Variants in EYS observed in about 807,000 individuals in gnomAD.
EYS encodes protein eyes shut homolog.
EYS carries 250 observed loss-of-function variants against 282.1 expected under a neutral mutation model. That is an observed-to-expected ratio of 0.89 (90% CI 0.80 to 0.98). EYS has a LOEUF of 0.98. EYS is among the 50% of genes least tolerant of loss of function. The probability of loss-of-function intolerance (pLI) is 0.00; values close to 1 mark genes in which losing one functional copy is unlikely to be tolerated. For missense variants in EYS, 4,016 were observed against 3,709.0 expected (o/e 1.08, Z -2.15); for synonymous variants, 1,355 against 1,282.9 (o/e 1.06, Z -1.20).
intron 19 of EYS, among the ~76,000 whole-genome samples, chr6:64,857,527 G>A (rs1291060220): frequency 6.6e-6 from 1 of 152,172 alleles, no homozygotes; most frequent in Non-Finnish European, 1.5e-5. Flanking sequence ...CTTAGGTTGA[G>A]TCCATATTTT....
chr6:64,477,943 T>C (rs1315287762), intron 26 of EYS, among the ~76,000 whole-genome samples: 1 of 152,128 alleles, frequency 6.6e-6, no homozygotes, highest in Non-Finnish European at 1.5e-5. Context: ...CTCAGTTTTG[T>C]TATCTGTAAA....
chr6:63,721,269 C>T lies in EYS; in HGVS notation c.8762G>A (p.Cys2921Tyr). 6.4e-7 allele frequency: 1 copy of T among 1,551,878 alleles called. No homozygotes were observed. The highest frequency in any genetic ancestry group is 8.7e-7 in the Non-Finnish European group (1 of 1,146,990). Residue 2921 changes from cysteine (C) to tyrosine (Y), a missense_variant, in exon 43 of 43, where the codon TGC (cysteine) becomes TAC (tyrosine). Transcript: ENST00000503581. The stretch of plus-strand genomic sequence containing the variant: ...AGGTATACATAAAGATTGGTGGAGG[C>T]AAAGATTATTCAAACAGGACACAGA... ...NQSVSCLNNL[C>Y]LHQSLCIPDQ...
intron 31 of EYS, among the ~76,000 whole-genome samples, chr6:64,134,011 G>C (rs1483944405): frequency 6.6e-6 from 1 of 151,990 alleles, no homozygotes; most frequent in Non-Finnish European, 1.5e-5. Context: ...TGAATAGTTA[G>C]ATAAAAAGCT....
At chr6:64,336,123 G>T (rs1770843332) in intron 29 of EYS, among the ~76,000 whole-genome samples, 1 of 152,048 alleles carries the variant, frequency 6.6e-6, no homozygotes, top group African/African-American at 2.4e-5. Context: ...GAATGCAAAG[G>T]TACCTCACAT....
At chr6:64,186,816 T>G (rs1342404317) in intron 31 of EYS, among the ~76,000 whole-genome samples, 1 of 152,132 alleles carries the variant, frequency 6.6e-6, no homozygotes, top group African/African-American at 2.4e-5. Flanking sequence ...TACGCGCACT[T>G]GTAACCTGAG....
At chr6:63,983,630 A>G (rs1767212128) in intron 35 of EYS, among the ~76,000 whole-genome samples, 1 of 151,714 alleles carries the variant, frequency 6.6e-6, no homozygotes, top group Non-Finnish European at 1.5e-5. Context: ...TAATTAAAAT[A>G]TTTCCTGTGC....
rs150914196 is a variant in EYS, at chr6:63,737,506, A to G, written c.8072-10826T>C. On this transcript the variant is annotated intron_variant, in intron 41 of 42. Coordinates refer to ENST00000503581, the MANE Select transcript of EYS (RefSeq NM_001142800.2). ...TTGGTTTTCCAGTATTTTATTGAGG[A>G]TTTTTGCATCAATGTTCGTCAAGGA... 8.1e-3 allele frequency among the ~76,000 whole-genome samples: 1,228 copies of G among 152,034 alleles called. 13 individuals are homozygous for G. Among genetic ancestry groups the G allele is most frequent in the Middle Eastern group, 0.017 (5 of 294 alleles).
rs182344128 is a variant in EYS, at chr6:65,192,700, A to G, written c.2023+103163T>C. 2.7e-4 allele frequency among the ~76,000 whole-genome samples: 41 copies of G among 151,958 alleles called. No individual in the cohort carries two copies. The East Asian group carries it at 6.4e-3, about 24-fold the overall frequency. On this transcript the variant is annotated intron_variant, in intron 12 of 42. Transcript: ENST00000503581. ...ATTGGTGTTAAGAGATAGGGCCTTT[A>G]TGAGATGACTAGGTCATTAAAATCT...
intron 12 of EYS, among the ~76,000 whole-genome samples, chr6:65,089,293 G>T (rs562111140): frequency 9.2e-5 from 14 of 152,294 alleles, no homozygotes; most frequent in Non-Finnish European, 1.5e-4. Flanking sequence ...GCCTATGAAA[G>T]CATCCAGGAG....
rs756233872 is a variant in EYS at position 65,443,392 on chromosome 6, A to T, written c.863-38025T>A. 6.3e-5 allele frequency among the ~76,000 whole-genome samples: 8 copies of T among 126,028 alleles called. 2 individuals carry two copies. Among genetic ancestry groups the T allele is most frequent in the Non-Finnish European group, 1.5e-4 (8 of 54,610 alleles). 82.7% of individuals were successfully genotyped at this position (126,028 alleles called of 152,430 possible). A position where few individuals can be genotyped will look rare whatever the true frequency, so the allele number is the denominator to read the frequency against. On this transcript the variant is annotated intron_variant, in intron 5 of 42. Coordinates refer to ENST00000503581, the MANE Select transcript of EYS (RefSeq NM_001142800.2). Reference sequence around the variant, plus strand: ...TATGTACACATATAGACATATATGCATACATGTATGTACACATATAGCCAT... The same window carrying T: ...TATGTACACATATAGACATATATGCTTACATGTATGTACACATATAGCCAT...
At chr6:65,277,189 C>G (rs1390321162) in intron 12 of EYS, among the ~76,000 whole-genome samples, 1 of 152,092 alleles carries the variant, frequency 6.6e-6, no homozygotes, top group Non-Finnish European at 1.5e-5. Context: ...AATTCCAGCA[C>G]TTTGGGAGGC....
At chr6:64,462,942 A>ATTTTT (rs58373990) in intron 26 of EYS, among the ~76,000 whole-genome samples, 8 of 105,922 alleles carry the variant, frequency 7.6e-5, no homozygotes, top group African/African-American at 1.4e-4. Context: ...CTCAGCTTTA[A>ATTTTT]TTTTTTTTTT....
At chr6:63,922,547 A>G (rs1460465568) in intron 35 of EYS, among the ~76,000 whole-genome samples, 1 of 152,190 alleles carries the variant, frequency 6.6e-6, no homozygotes, top group Non-Finnish European at 1.5e-5. Flanking sequence ...TGGGTGACAG[A>G]ATGAGACTCT....
chr6:63,966,306 C>A (rs939916587), intron 35 of EYS, among the ~76,000 whole-genome samples: 1 of 152,166 alleles, frequency 6.6e-6, no homozygotes, highest in Non-Finnish European at 1.5e-5. Flanking sequence ...TAGGTAGGAA[C>A]TAAGCTATGA....
intron 14 of EYS, among the ~76,000 whole-genome samples, chr6:64,955,086 A>G (rs1427142030): frequency 2.0e-5 from 3 of 152,146 alleles, no homozygotes; most frequent in African/African-American, 7.2e-5. Flanking sequence ...ATGCTGAGGC[A>G]GGAGAAACAC....
At chr6:64,770,726 T>C (rs1773500295) in intron 22 of EYS, among the ~76,000 whole-genome samples, 1 of 151,920 alleles carries the variant, frequency 6.6e-6, no homozygotes, top group Non-Finnish European at 1.5e-5. Flanking sequence ...GAATTATTAT[T>C]ATTAGTAGCA....
intron 30 of EYS, among the ~76,000 whole-genome samples, chr6:64,284,251 C>G (rs945760773): frequency 2.6e-5 from 4 of 152,176 alleles, no homozygotes; most frequent in Non-Finnish European, 5.9e-5. Flanking sequence ...CCATTCCAAA[C>G]AGGATAAATT....
chr6:64,628,706 C>T (rs4710279), intron 22 of EYS, among the ~76,000 whole-genome samples: 73,647 of 152,008 alleles, frequency 0.48, 18,057 homozygotes, highest in South Asian at 0.6. Context: ...CATTTGTCTG[C>T]GTTCTTACCT....
At position 65,182,073 on chromosome 6, in the gene EYS, G is replaced by A. The variant is rs188202629; in HGVS notation, c.2023+113790C>T. ...GGGCCTGTTTTGGGTAGGGGTAGGG[G>A]GGAGGGATAGCATTAGGAGATATAC... On this transcript the variant is annotated intron_variant, in intron 12 of 42. Coordinates refer to ENST00000503581, the MANE Select transcript of EYS (RefSeq NM_001142800.2). Among the ~76,000 whole-genome samples, 285 of 152,016 alleles carry A rather than the reference G, an allele frequency of 1.9e-3. 1 individual carries two copies. Among genetic ancestry groups the A allele is most frequent in the African/African-American group, 6.6e-3 (274 of 41,488 alleles).
Sources: allele counts gnomAD v4.1 joint callset (sites outside exome capture counted in the v4.1 genomes callset), GRCh38; gene constraint gnomAD v4.1.1; transcripts MANE v1.5; gene names NCBI Gene and HGNC (gene_info 2026-07-23, HGNC 2026-07-21).